Variants in LYG1 observed in about 807,000 individuals in gnomAD.
LYG1 encodes lysozyme g-like protein 1.
Under a neutral mutation model 21.7 loss-of-function variants are expected in LYG1, and 17 were observed. That is an observed-to-expected ratio of 0.78 (90% CI 0.54 to 1.18). The LOEUF (loss-of-function observed/expected upper bound fraction) is 1.18. LYG1 is among the 50% of genes most tolerant of loss of function. The pLI, the probability that LYG1 is intolerant of heterozygous loss-of-function variation, is 0.00. For synonymous variants in LYG1, 81 were observed against 87.4 expected (o/e 0.93, Z 0.41); for missense variants, 211 against 238.1 (o/e 0.89, Z 0.75).
At chr2:99,299,570 C>T (rs2094148091) in intron 1 of LYG1, among the ~76,000 whole-genome samples, 1 of 150,984 alleles carries the variant, frequency 6.6e-6, no homozygotes, top group Admixed American at 6.6e-5. Flanking sequence ...GATTACAGCC[C>T]TGTGCCACCA....
chr2:99,304,649 T>A (rs2094162357), upstream of LYG1: 2 of 152,286 alleles, frequency 1.3e-5, no homozygotes. Flanking sequence ...CCAAAGAAGA[T>A]GAAGTTTTAG....
upstream of LYG1, among the ~76,000 whole-genome samples, chr2:99,302,404 ATCAG>A (rs201961969): frequency 8.4e-4 from 128 of 152,278 alleles, 1 homozygote; most frequent in East Asian, 0.024. Context: ...TCTTTGTTGA[ATCAG>A]TCAATGACTG....
intron 1 of LYG1, among the ~76,000 whole-genome samples, chr2:99,299,317 C>T (rs1259458904): frequency 4.1e-5 from 6 of 146,696 alleles, no homozygotes; most frequent in Admixed American, 3.4e-4. Flanking sequence ...GACAAGGTCT[C>T]ACTCTGTCTC....
At chr2:99,290,691 T>C (rs2094115586) in intron 5 of LYG1, among the ~76,000 whole-genome samples, 1 of 152,192 alleles carries the variant, frequency 6.6e-6, no homozygotes, top group African/African-American at 2.4e-5. Flanking sequence ...CAGAAGTCTC[T>C]ATCTGGCAAG....
chr2:99,292,504 G>A, intron 4 of LYG1, 32 bp downstream of exon 4: 2 of 1,494,868 alleles, frequency 1.3e-6, no homozygotes, highest in Non-Finnish European at 1.9e-6. Flanking sequence ...AAAGCCGGGG[G>A]ATAGGTTGAG....
Position 99,295,703 on chromosome 2 carries a change from C to T in LYG1, c.-32-1G>A. 6.2e-7 allele frequency: 1 copy of T among 1,613,904 alleles called. No individual in the cohort carries two copies. Among genetic ancestry groups the T allele is most frequent in the Non-Finnish European group, 8.5e-7 (1 of 1,179,860 alleles). ...ATCTGGCTCTACGGCTCCTGAAACA[C>T]TTTTAAAACAAAAATTAGCTTGAGA... On this transcript the variant is annotated splice_acceptor_variant, in intron 2 of 6. Transcript: ENST00000308528. LOFTEE classifies it low-confidence loss of function (5UTR_SPLICE).
At chr2:99,297,307 G>A (rs901823503) in intron 2 of LYG1, among the ~76,000 whole-genome samples, 5 of 152,176 alleles carry the variant, frequency 3.3e-5, no homozygotes, top group African/African-American at 1.2e-4. Context: ...CCAATCCCAG[G>A]AGAAAAGAAT....
chr2:99,302,486 G>A (rs1293583371), upstream of LYG1, among the ~76,000 whole-genome samples: 4 of 152,170 alleles, frequency 2.6e-5, no homozygotes, highest in East Asian at 1.9e-4. Context: ...CAGGTTAGAC[G>A]TGTGTTCCTT....
intron 3 of LYG1, among the ~76,000 whole-genome samples, chr2:99,294,203 C>T (rs965899783): frequency 6.6e-6 from 1 of 152,180 alleles, no homozygotes; most frequent in African/African-American, 2.4e-5. Flanking sequence ...CATGAGCCAC[C>T]GCATACACCT....
At chr2:99,300,392 CAGG>C (rs2094150667) in intron 1 of LYG1, among the ~76,000 whole-genome samples, 1 of 152,118 alleles carries the variant, frequency 6.6e-6, no homozygotes, top group African/African-American at 2.4e-5. Flanking sequence ...TTCAGAACTC[CAGG>C]AAGGATCATC....
intron 5 of LYG1, among the ~76,000 whole-genome samples, chr2:99,288,626 T>C (rs1325133510): frequency 6.6e-6 from 1 of 152,194 alleles, no homozygotes; most frequent in Non-Finnish European, 1.5e-5. Flanking sequence ...TGGAGTGCAG[T>C]GGCGTGATTT....
intron 3 of LYG1, among the ~76,000 whole-genome samples, 191 bp from the exon 4 acceptor site, chr2:99,292,831 A>C (rs1290899082): frequency 6.6e-6 from 1 of 152,046 alleles, no homozygotes; most frequent in Non-Finnish European, 1.5e-5. Context: ...CTCAATACCA[A>C]ATTCTCACCT....
At chr2:99,292,407 A>T in intron 4 of LYG1, 129 bp downstream of exon 4, 2 of 675,974 alleles carry the variant, frequency 3.0e-6, no homozygotes, top group Middle Eastern at 4.1e-4. Flanking sequence ...AGGGGCAGCT[A>T]AGTGACTTGT....
At chr2:99,289,840 TTTG>T (rs55751852) in intron 5 of LYG1, among the ~76,000 whole-genome samples, 29,684 of 150,624 alleles carry the variant, frequency 0.2, 3,140 homozygotes, top group Admixed American at 0.3. Flanking sequence ...AATTCTCTTG[TTTG>T]TTGTTGTTGT....
intron 5 of LYG1, among the ~76,000 whole-genome samples, chr2:99,286,476 C>A (rs1018197126): frequency 9.9e-5 from 15 of 152,126 alleles, no homozygotes; most frequent in Admixed American, 9.8e-4. Context: ...GAGGCCAAGG[C>A]AGGTGGGCTC....
intron 4 of LYG1, 58 bp downstream of exon 4, chr2:99,292,478 G>T: frequency 7.9e-7 from 1 of 1,271,506 alleles, no homozygotes; most frequent in Non-Finnish European, 1.2e-6. Flanking sequence ...AGTAGCGTGA[G>T]GCATGGGAAA....
intron 2 of LYG1, among the ~76,000 whole-genome samples, chr2:99,296,105 T>C (rs1046389479): frequency 5.9e-5 from 9 of 152,010 alleles, no homozygotes; most frequent in African/African-American, 2.2e-4. Context: ...AAGGAGAATT[T>C]TGTATTGGTG....
At chr2:99,301,510 A>AGGGG (rs1553526304), upstream of LYG1, among the ~76,000 whole-genome samples, 3 of 110,928 alleles carry the variant, frequency 2.7e-5, no homozygotes, top group Admixed American at 1.2e-4. Flanking sequence ...GGAAGGAAGG[A>AGGGG]AGGGAGGGAG....
At chr2:99,297,207 CT>C (rs1380259591) in intron 2 of LYG1, among the ~76,000 whole-genome samples, 3 of 152,164 alleles carry the variant, frequency 2.0e-5, no homozygotes, top group Non-Finnish European at 4.4e-5. Flanking sequence ...GGAATCTTAG[CT>C]GGGTCTGCAG....
Sources: gnomAD v4.1 joint callset for allele counts (sites outside exome capture counted in the v4.1 genomes callset) on GRCh38, gnomAD v4.1.1 for gene constraint, MANE v1.5 for transcripts, NCBI Gene and HGNC (gene_info 2026-07-23, HGNC 2026-07-21) for gene names.